Variants in ERBIN observed in about 807,000 individuals in gnomAD.
The protein encoded by ERBIN is erbb2 interacting protein.
ERBIN carries 60 observed loss-of-function variants against 158.4 expected under a neutral mutation model. The ratio of observed to expected loss-of-function variants is 0.38; its 90% CI spans 0.31 to 0.47. ERBIN has a LOEUF of 0.47. Among genes scored for constraint, ERBIN ranks in the 20% least tolerant of loss-of-function variants. The pLI, the probability that ERBIN is intolerant of heterozygous loss-of-function variation, is 0.99. For synonymous variants in ERBIN, 594 were observed against 557.2 expected (o/e 1.07, Z -0.93); for missense variants, 1,610 against 1,648.0 (o/e 0.98, Z 0.40).
At chr5:66,057,701 C>A (rs898028272) in intron 21 of ERBIN, among the ~76,000 whole-genome samples, 2 of 128,278 alleles carry the variant, frequency 1.6e-5, no homozygotes, top group Non-Finnish European at 3.3e-5. Context: ...TCCCTCCCCC[C>A]TCCCCCGACC....
Position 66,043,214 on chromosome 5 carries a change from AT to A in ERBIN, c.1428+18del. 1 of 1,607,784 alleles carries A rather than the reference AT, an allele frequency of 6.2e-7. No homozygotes were observed. The highest frequency in any genetic ancestry group is 8.5e-7 in the Non-Finnish European group (1 of 1,177,822). On this transcript the variant is annotated intron_variant, in intron 16 of 25. Coordinates refer to ENST00000284037, the MANE Select transcript of ERBIN (RefSeq NM_001253697.2). ...ACCTCCCAGGGTGAGTCTGTTCTTT[AT>A]TCTTTAAAATTTGAAACAAGTCTGC...
intron 4 of ERBIN, among the ~76,000 whole-genome samples, chr5:65,996,283 T>C (rs1334358915): frequency 1.4e-5 from 2 of 147,592 alleles, no homozygotes; most frequent in East Asian, 2.0e-4. Flanking sequence ...TTGGGTGTTA[T>C]AGTTAAGTCT....
At chr5:65,957,656 T>A (rs982780569) in intron 1 of ERBIN, among the ~76,000 whole-genome samples, 4 of 152,200 alleles carry the variant, frequency 2.6e-5, no homozygotes, top group Non-Finnish European at 5.9e-5. Flanking sequence ...CTCTATCCTT[T>A]CCCCACATTT....
At chr5:66,060,921 T>A (rs1760215655) in intron 21 of ERBIN, among the ~76,000 whole-genome samples, 1 of 152,228 alleles carries the variant, frequency 6.6e-6, no homozygotes, top group Non-Finnish European at 1.5e-5. Context: ...TGTTATAATT[T>A]CTGTTCTTTT....
At chr5:66,062,858 A>G (rs898784581) in intron 21 of ERBIN, among the ~76,000 whole-genome samples, 5 of 152,164 alleles carry the variant, frequency 3.3e-5, no homozygotes, top group African/African-American at 4.8e-5. Flanking sequence ...AACAGCGGAT[A>G]TTGGTGAACC....
In ERBIN at chr5:66,026,261, A is replaced by G. The variant is rs777483293; in HGVS notation, c.1021-41A>G. On this transcript the variant is annotated intron_variant, in intron 12 of 25. Coordinates refer to ENST00000284037, the MANE Select transcript of ERBIN (RefSeq NM_001253697.2). ...GTTTTTTATATGTTGATCAACCTGTAGGCCAAATTTTTTGATACTCAGTTT... is the reference window on the plus strand; with the variant it reads ...GTTTTTTATATGTTGATCAACCTGTGGGCCAAATTTTTTGATACTCAGTTT... The G allele has an allele frequency of 1.4e-5, 18 of 1,324,388 alleles. 1 individual carries two copies. The highest frequency in any genetic ancestry group is 5.6e-5 in the South Asian group (4 of 70,966). The allele number at this position is 1,324,388 out of a possible 1,614,324, so 82.0% of individuals were successfully genotyped here.
chr5:65,980,929 T>C (rs57807242), intron 1 of ERBIN, among the ~76,000 whole-genome samples: 6,441 of 152,316 alleles, frequency 0.042, 466 homozygotes, highest in African/African-American at 0.15. Flanking sequence ...AAGATTTGAA[T>C]ACAACTGTCA....
chr5:65,950,428 T>C (rs1746363095), intron 1 of ERBIN, among the ~76,000 whole-genome samples: 1 of 152,192 alleles, frequency 6.6e-6, no homozygotes, highest in Non-Finnish European at 1.5e-5. Context: ...TTTTTCATGA[T>C]TATGTTAGAT....
chr5:66,049,479 C>G (rs181897898), intron 19 of ERBIN, among the ~76,000 whole-genome samples: 1 of 152,120 alleles, frequency 6.6e-6, no homozygotes, highest in East Asian at 1.9e-4. Context: ...TGCTTAGGTA[C>G]TATACTAAAT....
In ERBIN at chr5:66,040,391, A is replaced by G. The variant is rs143375546; in HGVS notation, c.1306+1909A>G. Among the ~76,000 whole-genome samples, 527 of 152,024 alleles carry G rather than the reference A, an allele frequency of 3.5e-3. 6 individuals carry two copies. Among genetic ancestry groups the G allele is most frequent in the African/African-American group, 0.012 (509 of 41,548 alleles). On this transcript the variant is annotated intron_variant, in intron 15 of 25. Coordinates refer to ENST00000284037, the MANE Select transcript of ERBIN (RefSeq NM_001253697.2). ...TTCCTGTTTAATTTGAAAAGAGATCACAATTCAGGTAAAACATTTATTTCT... is the reference window on the plus strand; with the variant it reads ...TTCCTGTTTAATTTGAAAAGAGATCGCAATTCAGGTAAAACATTTATTTCT...
chr5:65,942,593 A>G (rs934889414), intron 1 of ERBIN, among the ~76,000 whole-genome samples: 2 of 152,240 alleles, frequency 1.3e-5, no homozygotes, highest in Non-Finnish European at 2.9e-5. Context: ...ATTTATCCTT[A>G]AAGTAGTGTG....
chr5:65,965,448 C>T (rs1198670292), intron 1 of ERBIN, among the ~76,000 whole-genome samples: 2 of 127,554 alleles, frequency 1.6e-5, no homozygotes, highest in Admixed American at 2.0e-4. Context: ...CTCTGTTGCC[C>T]GAGCTGGAGT....
chr5:66,031,319 CTCA>C (rs1403866046), intron 14 of ERBIN, among the ~76,000 whole-genome samples: 1 of 152,166 alleles, frequency 6.6e-6, no homozygotes, highest in Non-Finnish European at 1.5e-5. Context: ...AATTTATTCC[CTCA>C]TCCATTTTGT....
At chr5:66,046,207 G>C in intron 17 of ERBIN, 146 bp from the exon 18 acceptor site, 1 of 432,718 alleles carries the variant, frequency 2.3e-6, no homozygotes, top group Non-Finnish European at 4.0e-6. Context: ...ATCTGTGAGT[G>C]TCACAGGTTT....
At chr5:66,024,025 A>C (rs10066817) in intron 9 of ERBIN, among the ~76,000 whole-genome samples, 1 of 151,942 alleles carries the variant, frequency 6.6e-6, no homozygotes, top group Non-Finnish European at 1.5e-5. Context: ...CATAAAAAAA[A>C]CCACAAGAAT....
At chr5:65,962,235 T>G (rs1419244943) in intron 1 of ERBIN, among the ~76,000 whole-genome samples, 2 of 152,214 alleles carry the variant, frequency 1.3e-5, no homozygotes, top group African/African-American at 4.8e-5. Flanking sequence ...TGTCCCAAAA[T>G]GTATATAAAA....
At chr5:65,937,726 G>A (rs1040663132) in intron 1 of ERBIN, among the ~76,000 whole-genome samples, 2 of 152,178 alleles carry the variant, frequency 1.3e-5, no homozygotes, top group East Asian at 1.9e-4. Flanking sequence ...GGCTAACACG[G>A]TGAAACCCTG....
intron 4 of ERBIN, among the ~76,000 whole-genome samples, chr5:65,996,598 C>T (rs922831402): frequency 1.3e-5 from 2 of 151,980 alleles, no homozygotes; most frequent in East Asian, 1.9e-4. Flanking sequence ...TTTTGTTCAC[C>T]GTTGCTTTGG....
chr5:66,018,524 AT>A lies in ERBIN; in HGVS notation c.534-2797del, dbSNP rs1263715604. 6.1e-4 allele frequency among the ~76,000 whole-genome samples: 4 copies of A among 6,580 alleles called. 1 individual carries two copies. The highest frequency in any genetic ancestry group is 5.9e-3 in the East Asian group (4 of 682). The allele number at this position is 6,580 out of a possible 152,430, so 4.3% of individuals were successfully genotyped here. On this transcript the variant is annotated intron_variant, in intron 7 of 25. Coordinates refer to ENST00000284037, the MANE Select transcript of ERBIN (RefSeq NM_001253697.2). The stretch of plus-strand genomic sequence containing the variant: ...ATATATATTATATATTATATAATAT[AT>A]ATTATATTATATAATATATATTATA...
Sources: allele counts gnomAD v4.1 joint callset (sites outside exome capture counted in the v4.1 genomes callset), GRCh38; gene constraint gnomAD v4.1.1; transcripts MANE v1.5; gene names NCBI Gene and HGNC (gene_info 2026-07-23, HGNC 2026-07-21).